Variants in HYAL4 observed in about 807,000 individuals in gnomAD.
HYAL4 encodes hyaluronidase-4.
A neutral mutation model predicts 35.2 loss-of-function variants in HYAL4; 37 were observed. That is an observed-to-expected ratio of 1.05 (90% CI 0.81 to 1.38). The LOEUF (loss-of-function observed/expected upper bound fraction) is 1.38. HYAL4 is among the 40% of genes most tolerant of loss of function. The probability of loss-of-function intolerance (pLI) is 0.00; values close to 1 mark genes in which losing one functional copy is unlikely to be tolerated. For synonymous variants in HYAL4, 198 were observed against 203.2 expected (o/e 0.97, Z 0.22); for missense variants, 572 against 572.4 (o/e 1.00, Z 0.01).
intron 2 of HYAL4, among the ~76,000 whole-genome samples, chr7:123,850,638 G>A (rs1193416138): frequency 6.6e-6 from 1 of 152,138 alleles, no homozygotes; most frequent in Non-Finnish European, 1.5e-5. Context: ...TACTAAGCAT[G>A]GGCCTAATGT....
the HYAL4 span, among the ~76,000 whole-genome samples, chr7:123,773,756 T>C: frequency 6.6e-6 from 1 of 152,244 alleles, no homozygotes. Context: ...ATTCAAACAA[T>C]ATCTCAATCT....
At chr7:123,856,384 G>A (rs1373437183) in intron 2 of HYAL4, among the ~76,000 whole-genome samples, 1 of 152,056 alleles carries the variant, frequency 6.6e-6, no homozygotes, top group African/African-American at 2.4e-5. Flanking sequence ...TTTTGCATGG[G>A]TGTCCTTTTT....
chr7:123,765,320 T>A, the HYAL4 span, among the ~76,000 whole-genome samples: 5 of 151,894 alleles, frequency 3.3e-5, no homozygotes, highest in African/African-American at 1.2e-4. Flanking sequence ...TAGGGAAGAG[T>A]TTTTGTGTCA....
intron 1 of HYAL4, among the ~76,000 whole-genome samples, chr7:123,837,954 T>C (rs1805992890): frequency 6.6e-6 from 1 of 152,120 alleles, no homozygotes; most frequent in Non-Finnish European, 1.5e-5. Context: ...GTCATTGCTA[T>C]TGTGAATAGT....
chr7:123,780,922 A>C, the HYAL4 span, among the ~76,000 whole-genome samples: 1 of 101,612 alleles, frequency 9.8e-6, no homozygotes. Flanking sequence ...CCAGGGACAC[A>C]AAAACTGCGG....
chr7:123,812,361 C>A, the HYAL4 span, among the ~76,000 whole-genome samples: 1 of 147,024 alleles, frequency 6.8e-6, no homozygotes, highest in South Asian at 2.2e-4. Context: ...AATAAAATCT[C>A]AGCAGCATGT....
the HYAL4 span, chr7:123,814,397 C>G: frequency 6.6e-6 from 1 of 152,516 alleles, no homozygotes; most frequent in South Asian, 2.1e-4. Flanking sequence ...AGGGTATTAC[C>G]CTTACTTATC....
intron 1 of HYAL4, among the ~76,000 whole-genome samples, chr7:123,839,836 G>GT (rs79940728): frequency 1.3e-5 from 2 of 151,874 alleles, no homozygotes; most frequent in East Asian, 1.9e-4. Context: ...GGGATTGTTT[G>GT]TTTTTTTTTC....
rs777771702 is a variant in HYAL4 at position 123,869,196 on chromosome 7, A to T, written c.923A>T (p.Tyr308Phe). Residue 308 changes from tyrosine to phenylalanine, a missense_variant, in exon 3 of 5, where the codon TAC (tyrosine) becomes TTC (phenylalanine). Physicochemically the swap from Tyr to Phe is conservative, Grantham distance 22. Transcript: ENST00000223026. ...LPVFVYTRLGYRDEPLFFLSK... is the reference protein window; with the variant it reads ...LPVFVYTRLGFRDEPLFFLSK... ...GTATTTGTCTACACAAGGCTAGGGT[A>T]CAGAGATGAACCTTTATTTTTCCTT... The T allele has an allele frequency of 1.2e-6, 2 of 1,607,594 alleles. No homozygotes were observed. The highest frequency in any genetic ancestry group is 1.7e-6 in the Non-Finnish European group (2 of 1,176,704).
chr7:123,820,913 G>A, the HYAL4 span, among the ~76,000 whole-genome samples: 1 of 152,094 alleles, frequency 6.6e-6, no homozygotes, highest in African/African-American at 2.4e-5. Context: ...TTGTCCTTCT[G>A]TGACTGCCTT....
chr7:123,841,726 G>C (rs995586433), upstream of HYAL4, among the ~76,000 whole-genome samples: 2 of 151,956 alleles, frequency 1.3e-5, no homozygotes, highest in Non-Finnish European at 2.9e-5. Flanking sequence ...TCTTGGGAGG[G>C]TGTATATGTC....
chr7:123,786,233 T>C, the HYAL4 span, among the ~76,000 whole-genome samples: 4 of 152,352 alleles, frequency 2.6e-5, no homozygotes, highest in Non-Finnish European at 5.9e-5. Context: ...TGTACAACTT[T>C]TTATTAATAT....
upstream of HYAL4, among the ~76,000 whole-genome samples, chr7:123,825,844 A>C (rs1012816205): frequency 7.9e-5 from 12 of 152,110 alleles, no homozygotes; most frequent in Non-Finnish European, 1.8e-4. Flanking sequence ...TCATAAATTT[A>C]TACTTTTAAC....
chr7:123,835,701 A>T (rs1190866400), intron 1 of HYAL4, among the ~76,000 whole-genome samples: 1 of 151,894 alleles, frequency 6.6e-6, no homozygotes, highest in Non-Finnish European at 1.5e-5. Context: ...AGACTTTTTG[A>T]TATAGACATT....
At chr7:123,769,053 T>C in the HYAL4 span, among the ~76,000 whole-genome samples, 1,526 of 152,354 alleles carry the variant, frequency 0.01, 26 homozygotes, top group African/African-American at 0.034. Context: ...AATCTACCAA[T>C]ACTGAAGTAG....
At chr7:123,805,221 A>C in the HYAL4 span, among the ~76,000 whole-genome samples, 3 of 152,224 alleles carry the variant, frequency 2.0e-5, no homozygotes, top group Non-Finnish European at 2.9e-5. Flanking sequence ...AGTGAGTAGA[A>C]ATACATCTGA....
At chr7:123,793,866 G>A in the HYAL4 span, among the ~76,000 whole-genome samples, 88 of 152,310 alleles carry the variant, frequency 5.8e-4, no homozygotes, top group Non-Finnish European at 1.1e-3. Flanking sequence ...AGCGACTTTG[G>A]AACTGGGTAA....
At chr7:123,851,585 T>C (rs1312594147) in intron 2 of HYAL4, among the ~76,000 whole-genome samples, 1 of 152,246 alleles carries the variant, frequency 6.6e-6, no homozygotes, top group Non-Finnish European at 1.5e-5. Flanking sequence ...TTCTTTTTTA[T>C]GGCTGCATAG....
At chr7:123,788,389 T>C in the HYAL4 span, among the ~76,000 whole-genome samples, 6 of 151,988 alleles carry the variant, frequency 3.9e-5, no homozygotes, top group African/African-American at 1.4e-4. Flanking sequence ...ACTAGTTGAA[T>C]AGAATTCAAG....
Sources: gnomAD v4.1 joint callset for allele counts (sites outside exome capture counted in the v4.1 genomes callset) on GRCh38, gnomAD v4.1.1 for gene constraint, MANE v1.5 for transcripts, NCBI Gene and HGNC (gene_info 2026-07-23, HGNC 2026-07-21) for gene names.